NCOA3: variants seen among roughly 807,000 people sequenced by gnomAD.
NCOA3 encodes the protein CBP-interacting protein.
Under a neutral mutation model 158.8 loss-of-function variants are expected in NCOA3, and 51 were observed. The observed-to-expected ratio is 0.32, with a 90% CI of 0.26 to 0.41. The LOEUF (loss-of-function observed/expected upper bound fraction) is 0.41, where lower values mean the gene tolerates loss of function less well. Among genes scored for constraint, NCOA3 ranks in the 10% least tolerant of loss-of-function variants. The pLI, the probability that NCOA3 is intolerant of heterozygous loss-of-function variation, is 1.00. For missense variants in NCOA3, 1,510 were observed against 1,746.6 expected (o/e 0.86, Z 2.41); for synonymous variants, 537 against 592.4 (o/e 0.91, Z 1.36).
rs1338098187 is a variant in NCOA3 at position 47,650,898 on chromosome 20, C to T, written c.3652-84C>T. On this transcript the variant is annotated intron_variant, in intron 19 of 22. Transcript: ENST00000371998. The stretch of plus-strand genomic sequence containing the variant: ...GCCCTGGGTGTTTTCTGTCTTATAC[C>T]TGGTGTATTGTGGGGGTACTATATG... 5 of 1,291,418 alleles carry T rather than the reference C, an allele frequency of 3.9e-6. No individual in the cohort carries two copies. In the South Asian group the frequency reaches 5.3e-5, roughly 14 times the overall value. The allele number at this position is 1,291,418 out of a possible 1,614,324, so 80.0% of individuals were successfully genotyped here.
At chr20:47,612,991 T>C (rs2086068120) in intron 2 of NCOA3, among the ~76,000 whole-genome samples, 1 of 152,190 alleles carries the variant, frequency 6.6e-6, no homozygotes, top group Non-Finnish European at 1.5e-5. Context: ...GGAGTTTATG[T>C]TTAAATTCAA....
At position 47,635,612 on chromosome 20, in the gene NCOA3, A is replaced by G. The variant is rs763261667; in HGVS notation, c.1403A>G (p.His468Arg). ...GGGCTCAACATGAGTAGCCCCCCAC[A>G]TGGGAGTCCTGGTCTTGCCCCAAAC... ...NYGLNMSSPPHGSPGLAPNQQ... is the reference protein window; with the variant it reads ...NYGLNMSSPPRGSPGLAPNQQ... The change falls in exon 11 of 23, where the codon CAT becomes CGT. Residue 468 changes from histidine (H) to arginine (R), a missense_variant. His to Arg is a conservative substitution (Grantham distance 29). Transcript: ENST00000371998. The G allele has an allele frequency of 1.2e-5, 19 of 1,614,098 alleles. No homozygotes were observed. In the Admixed American group the frequency reaches 2.5e-4, roughly 21 times the overall value.
intron 1 of NCOA3, among the ~76,000 whole-genome samples, chr20:47,572,836 C>T (rs1325485156): frequency 6.6e-6 from 1 of 152,108 alleles, no homozygotes; most frequent in Non-Finnish European, 1.5e-5. Flanking sequence ...CATGCCTGGC[C>T]CATTTCTAGC....
chr20:47,554,129 T>G (rs1031827064), intron 1 of NCOA3, among the ~76,000 whole-genome samples: 3 of 152,240 alleles, frequency 2.0e-5, no homozygotes, highest in African/African-American at 7.2e-5. Flanking sequence ...TGGTTTTGAT[T>G]TGCATTTCTC....
At position 47,636,150 on chromosome 20, in the gene NCOA3, T is replaced by C. The variant is rs771698127; in HGVS notation, c.1764T>C (p.Asn588=). ...TGGAGAGTTCAATGTGTCAGTCAAA[T>C]AGCAGAGATCACCTCAGTGACAAAG... is the stretch of plus-strand genomic sequence containing the variant. ...NPVESSMCQS[N]SRDHLSDKES... The change falls in exon 12 of 23, where the codon AAT becomes AAC. Residue 588 remains asparagine (N), a synonymous_variant. Transcript: ENST00000371998. The C allele has an allele frequency of 6.2e-7, 1 of 1,614,200 alleles. No homozygotes were observed. Among genetic ancestry groups the C allele is most frequent in the Non-Finnish European group, 8.5e-7 (1 of 1,180,034 alleles).
At chr20:47,589,205 C>T (rs1308056802) in intron 2 of NCOA3, among the ~76,000 whole-genome samples, 1 of 152,046 alleles carries the variant, frequency 6.6e-6, no homozygotes, top group Non-Finnish European at 1.5e-5. Context: ...GGCCAGAGGA[C>T]CAACTTTTGA....
intron 2 of NCOA3, among the ~76,000 whole-genome samples, chr20:47,605,538 T>G (rs928981838): frequency 1.3e-5 from 2 of 152,172 alleles, no homozygotes; most frequent in African/African-American, 4.8e-5. Context: ...AATACCTTTT[T>G]TCACCTTCCT....
intron 2 of NCOA3, among the ~76,000 whole-genome samples, chr20:47,610,248 G>A (rs938543593): frequency 6.6e-6 from 1 of 151,968 alleles, no homozygotes; most frequent in Admixed American, 6.6e-5. Flanking sequence ...GTTTTGAGAC[G>A]GGATCTTGCT....
intron 6 of NCOA3, 95 bp downstream of exon 6, chr20:47,627,271 C>A: frequency 1.9e-6 from 2 of 1,040,046 alleles, no homozygotes; most frequent in Non-Finnish European, 2.8e-6. Context: ...GTCAAGCGAT[C>A]AAATGAGGGT....
rs147588786 is a variant in NCOA3, at chr20:47,519,984, G to A, written c.-99+17965G>A. Among the ~76,000 whole-genome samples the A allele has an allele frequency of 2.5e-3, 344 of 136,168 alleles. 3 individuals are homozygous for A. The highest frequency in any genetic ancestry group is 9.3e-3 in the African/African-American group (336 of 36,118). The allele number at this position is 136,168 out of a possible 152,430, so 89.3% of individuals were successfully genotyped here. A position where few individuals can be genotyped will look rare whatever the true frequency, so the allele number is the denominator to read the frequency against. ...TCACCATGTTGGTCAGGCTGGTCTC[G>A]AACTCCTGACCTTGTGATCCGCCGG... On this transcript the variant is annotated intron_variant, in intron 1 of 22. Transcript: ENST00000371998.
chr20:47,624,898 G>A (rs375535148), intron 4 of NCOA3, among the ~76,000 whole-genome samples: 2 of 151,932 alleles, frequency 1.3e-5, no homozygotes, highest in African/African-American at 2.4e-5. Flanking sequence ...TCAGCCTCCC[G>A]AGTAGCTAGG....
rs2084036045 is a variant in NCOA3 at position 47,506,681 on chromosome 20, A to G, written c.-99+4662A>G. ...CGGACCTGACTGGCAAACAGGTTTT[A>G]CCCATTTAAAGTAATATTCCAAGAG... On this transcript the variant is annotated intron_variant, in intron 1 of 22. Coordinates refer to ENST00000371998, the MANE Select transcript of NCOA3 (RefSeq NM_181659.3). Among the ~76,000 whole-genome samples, 4 of 152,296 alleles carry G rather than the reference A, an allele frequency of 2.6e-5. No individual in the cohort carries two copies. In the South Asian group the frequency reaches 8.3e-4, roughly 32 times the overall value.
chr20:47,540,475 G>A (rs1298807115), intron 1 of NCOA3, among the ~76,000 whole-genome samples: 2 of 151,698 alleles, frequency 1.3e-5, no homozygotes, highest in Non-Finnish European at 2.9e-5. Flanking sequence ...GAGAGGCTGA[G>A]GAAGGAGAAT....
At chr20:47,588,454 C>T (rs544511413) in intron 2 of NCOA3, among the ~76,000 whole-genome samples, 3 of 152,084 alleles carry the variant, frequency 2.0e-5, no homozygotes, top group East Asian at 3.9e-4. Context: ...CTTTTACTTC[C>T]CACCTTACTT....
chr20:47,556,560 T>TAG (rs2085010402), intron 1 of NCOA3, among the ~76,000 whole-genome samples: 1 of 152,198 alleles, frequency 6.6e-6, no homozygotes, highest in Non-Finnish European at 1.5e-5. Flanking sequence ...TCTCACTCTG[T>TAG]CACCCAGGCT....
rs2086567177 is a variant in NCOA3 at position 47,639,354 on chromosome 20, G to T, written c.2707+152G>T. 3 of 951,938 alleles carry T rather than the reference G, an allele frequency of 3.2e-6. No individual in the cohort carries two copies. In the South Asian group the frequency reaches 5.1e-5, roughly 16 times the overall value. The allele number at this position is 951,938 out of a possible 1,614,324, so 59.0% of individuals were successfully genotyped here. On this transcript the variant is annotated intron_variant, in intron 14 of 22. Transcript: ENST00000371998. Reference sequence around the variant, plus strand: ...ATATCCTTCATTTATTCTATGTTTTGGTTATGTAAACTCTTCAAGAGTCTT... The same window carrying T: ...ATATCCTTCATTTATTCTATGTTTTTGTTATGTAAACTCTTCAAGAGTCTT...
chr20:47,563,902 A>AG lies in NCOA3; in HGVS notation c.-98-19281_-98-19280insG, dbSNP rs1228206729. ...AGATTCTGTCTCAAAAAAAAAAAAA[A>AG]AAGAAAGAAAAAAGAAAAAGGCTGA... On this transcript the variant is annotated intron_variant, in intron 1 of 22. Coordinates refer to ENST00000371998, the MANE Select transcript of NCOA3 (RefSeq NM_181659.3). Among the ~76,000 whole-genome samples, 292 of 150,014 alleles carry AG rather than the reference A, an allele frequency of 1.9e-3. 3 individuals carry two copies. The highest frequency in any genetic ancestry group is 3.4e-3 in the Non-Finnish European group (230 of 67,476).
chr20:47,508,772 T>G (rs2084068195), intron 1 of NCOA3, among the ~76,000 whole-genome samples: 1 of 152,236 alleles, frequency 6.6e-6, no homozygotes, highest in South Asian at 2.1e-4. Flanking sequence ...GAAAACCTTT[T>G]TTTCCTTTTT....
rs1319869439 is a variant in NCOA3, at chr20:47,647,247, A to G, written c.3427A>G (p.Asn1143Asp). The G allele has an allele frequency of 3.3e-5, 53 of 1,614,204 alleles. No individual in the cohort carries two copies. Among genetic ancestry groups the G allele is most frequent in the Non-Finnish European group, 4.2e-5 (50 of 1,180,038 alleles). ...TTTTAACTCTATGATGAATCAGATG[A>G]ACCAGCAAGGCAATTTTCCTCTCCA... ...PSFNSMMNQM[N>D]QQGNFPLQGM... The change falls in exon 18 of 23, where the codon AAC (asparagine) becomes GAC (aspartate). Residue 1143 changes from asparagine (N) to aspartate (D), a missense_variant. Transcript: ENST00000371998.
Sources: allele counts gnomAD v4.1 joint callset (sites outside exome capture counted in the v4.1 genomes callset), GRCh38; gene constraint gnomAD v4.1.1; transcripts MANE v1.5; gene names NCBI Gene and HGNC (gene_info 2026-07-23, HGNC 2026-07-21).